The following NFYC variants were observed in gnomAD, a reference collection of about 807,000 sequenced individuals.
The protein encoded by NFYC is CAAT box DNA-binding protein subunit C.
Under a neutral mutation model 53.1 loss-of-function variants are expected in NFYC, and 25 were observed. The observed-to-expected ratio is 0.47, with a 90% CI of 0.34 to 0.66. The LOEUF (loss-of-function observed/expected upper bound fraction) is 0.66, where lower values mean the gene tolerates loss of function less well. Ranked by LOEUF, NFYC falls within the 30% of genes least tolerant of loss-of-function variation. NFYC has a pLI of 0.01. For synonymous variants in NFYC, 145 were observed against 152.6 expected (o/e 0.95, Z 0.37); for missense variants, 260 against 422.7 (o/e 0.62, Z 3.38).
intron 1 of NFYC, among the ~76,000 whole-genome samples, chr1:40,698,191 C>T (rs1224665550): frequency 6.6e-6 from 1 of 151,872 alleles, no homozygotes; most frequent in Non-Finnish European, 1.5e-5. Flanking sequence ...GGTGAAACTC[C>T]GTTTCTACTA....
chr1:40,717,167 A>G (rs901092546), intron 1 of NFYC, among the ~76,000 whole-genome samples: 3 of 147,038 alleles, frequency 2.0e-5, no homozygotes, highest in Non-Finnish European at 4.4e-5. Flanking sequence ...GAATCAAGAA[A>G]GAGAATTGAC....
intron 1 of NFYC, 51 bp downstream of exon 1, chr1:40,691,918 C>G (rs1557713426): frequency 3.0e-6 from 1 of 338,474 alleles, no homozygotes; most frequent in Non-Finnish European, 5.9e-6. Context: ...GAAGCGGCGG[C>G]GGGGGGAGGG....
intron 1 of NFYC, among the ~76,000 whole-genome samples, chr1:40,732,988 G>A (rs11807448): frequency 0.062 from 9,180 of 147,946 alleles, 531 homozygotes; most frequent in African/African-American, 0.14. Flanking sequence ...AGTATGTCAG[G>A]GCCAAGCTTT....
At chr1:40,762,221 G>T (rs1646584290) in intron 6 of NFYC, among the ~76,000 whole-genome samples, 1 of 152,180 alleles carries the variant, frequency 6.6e-6, no homozygotes, top group Non-Finnish European at 1.5e-5. Context: ...ATTAGGGGTA[G>T]ACTTAGTTAA....
At chr1:40,755,816 A>G (rs1646184573) in intron 5 of NFYC, among the ~76,000 whole-genome samples, 1 of 152,188 alleles carries the variant, frequency 6.6e-6, no homozygotes, top group Admixed American at 6.5e-5. Context: ...TAAGCAGCAT[A>G]GGAGGAGCTC....
intron 1 of NFYC, chr1:40,735,298 A>G (rs1180681035): frequency 6.6e-6 from 1 of 151,990 alleles, no homozygotes; most frequent in Non-Finnish European, 1.5e-5. Context: ...GGGCTTCTCA[A>G]TTTTAAAACT....
intron 1 of NFYC, among the ~76,000 whole-genome samples, chr1:40,696,510 A>T (rs1018584325): frequency 3.3e-5 from 5 of 152,238 alleles, no homozygotes; most frequent in Admixed American, 6.5e-5. Context: ...TGACAGGGTC[A>T]CTTGGCTATG....
intron 1 of NFYC, among the ~76,000 whole-genome samples, chr1:40,733,010 C>T (rs895643989): frequency 1.6e-5 from 1 of 62,960 alleles, no homozygotes; most frequent in Non-Finnish European, 3.5e-5. Flanking sequence ...CAAGATTCGC[C>T]CCCCCCCCCT....
intron 1 of NFYC, among the ~76,000 whole-genome samples, chr1:40,710,641 C>T (rs1186086595): frequency 6.6e-6 from 1 of 152,174 alleles, no homozygotes; most frequent in Non-Finnish European, 1.5e-5. Flanking sequence ...GCCAGCAGCA[C>T]TTAGTCTCTG....
chr1:40,754,322 T>C (rs1489246921), intron 5 of NFYC: 2 of 534,184 alleles, frequency 3.7e-6, no homozygotes, highest in Admixed American at 1.9e-5. Context: ...CTTACTAGAG[T>C]AGGGTGTGCC....
At chr1:40,736,820 CAAAAAAAA>C (rs71060396) in intron 1 of NFYC, among the ~76,000 whole-genome samples, 2 of 63,672 alleles carry the variant, frequency 3.1e-5, no homozygotes, top group Non-Finnish European at 2.9e-5. Context: ...AAACTTATTC[CAAAAAAAA>C]AAAAAAAAAA....
chr1:40,708,999 G>A (rs1404927036), intron 1 of NFYC, among the ~76,000 whole-genome samples: 1 of 152,158 alleles, frequency 6.6e-6, no homozygotes, highest in African/African-American at 2.4e-5. Flanking sequence ...GAAATCCCGT[G>A]GGTGGGAACA....
rs35472258 is a variant in NFYC at position 40,696,024 on chromosome 1, G to GTTTT, written c.-9+4170_-9+4173dup. ...GATTCAGACACGGATTTGTAATTCT[G>GTTTT]TTTTTTTTTTTTTTTTGAGATAGAG... On this transcript the variant is annotated intron_variant, in intron 1 of 9. Coordinates refer to ENST00000447388, the MANE Select transcript of NFYC (RefSeq NM_014223.5). 1.8e-3 allele frequency among the ~76,000 whole-genome samples: 241 copies of GTTTT among 136,644 alleles called. 6 individuals carry two copies. Among genetic ancestry groups the GTTTT allele is most frequent in the African/African-American group, 5.1e-3 (189 of 36,972 alleles). 89.6% of individuals were successfully genotyped at this position (136,644 alleles called of 152,430 possible). A position where few individuals can be genotyped will look rare whatever the true frequency, so the allele number is the denominator to read the frequency against.
chr1:40,730,360 A>T (rs1644713769), intron 1 of NFYC, among the ~76,000 whole-genome samples: 3 of 151,990 alleles, frequency 2.0e-5, no homozygotes, highest in African/African-American at 7.3e-5. Context: ...TAAGTGAAAG[A>T]TGTGAGACTG....
chr1:40,704,759 G>A (rs1643613597), intron 1 of NFYC, among the ~76,000 whole-genome samples: 1 of 152,200 alleles, frequency 6.6e-6, no homozygotes, highest in South Asian at 2.1e-4. Context: ...TTGGAACAGT[G>A]ATCAGACATT....
intron 8 of NFYC, among the ~76,000 whole-genome samples, chr1:40,767,957 CAG>C (rs2148809231): frequency 6.6e-6 from 1 of 152,192 alleles, no homozygotes; most frequent in South Asian, 2.1e-4. Flanking sequence ...GCCTGGGCGA[CAG>C]AGTGAGACTC....
At chr1:40,710,971 G>C (rs1162427901) in intron 1 of NFYC, among the ~76,000 whole-genome samples, 2 of 152,172 alleles carry the variant, frequency 1.3e-5, no homozygotes, top group Non-Finnish European at 1.5e-5. Context: ...TGGTTAGTAG[G>C]AATATGTTAT....
chr1:40,740,896 T>A (rs1044317884), intron 2 of NFYC, among the ~76,000 whole-genome samples: 2 of 151,626 alleles, frequency 1.3e-5, no homozygotes, highest in African/African-American at 2.4e-5. Context: ...AGCTCAGCAC[T>A]TAACTTTTCT....
At chr1:40,755,908 A>G (rs951524353) in intron 5 of NFYC, among the ~76,000 whole-genome samples, 3 of 152,130 alleles carry the variant, frequency 2.0e-5, no homozygotes, top group African/African-American at 7.2e-5. Context: ...TTGTCTGACA[A>G]AAAGATCATA....
Sources: gnomAD v4.1 joint callset for allele counts (sites outside exome capture counted in the v4.1 genomes callset) on GRCh38, gnomAD v4.1.1 for gene constraint, MANE v1.5 for transcripts, NCBI Gene and HGNC (gene_info 2026-07-23, HGNC 2026-07-21) for gene names.